Variants in ILRUN observed in about 807,000 individuals in gnomAD.
ILRUN encodes inflammation and lipid regulator with UBA-like and NBR1-like domains, also known as protein ILRUN.
In ILRUN, 3 loss-of-function variants were observed where a neutral mutation model predicts 33.8. That is an observed-to-expected ratio of 0.09 (90% confidence interval 0.04 to 0.23). The LOEUF (loss-of-function observed/expected upper bound fraction) is 0.23. Ranked by LOEUF, ILRUN falls within the 10% of genes least tolerant of loss-of-function variation. ILRUN has a pLI of 1.00. For missense variants in ILRUN, 210 were observed against 375.1 expected (o/e 0.56, Z 3.64); for synonymous variants, 124 against 138.9 (o/e 0.89, Z 0.75).
intron 3 of ILRUN, among the ~76,000 whole-genome samples, chr6:34,621,247 A>G (rs1454381300): frequency 1.3e-5 from 2 of 152,228 alleles, no homozygotes; most frequent in Non-Finnish European, 2.9e-5. Context: ...TAAGCATTTA[A>G]CCAGCCTTTT....
In ILRUN at chr6:34,634,451, G is replaced by A. The variant is rs531767318; in HGVS notation, c.511+12150C>T. Among the ~76,000 whole-genome samples the A allele has an allele frequency of 3.8e-3, 574 of 151,800 alleles. 1 individual carries two copies. Among genetic ancestry groups the A allele is most frequent in the African/African-American group, 0.012 (516 of 41,392 alleles). The stretch of plus-strand genomic sequence containing the variant: ...AAGAAACTAGAAAATAAATCAAGAA[G>A]GAATTAATAAAATTAAGAGCAGAAA... On this transcript the variant is annotated intron_variant, in intron 3 of 4. Transcript: ENST00000374023.
intron 1 of ILRUN, among the ~76,000 whole-genome samples, chr6:34,694,452 T>C (rs1763712545): frequency 6.6e-6 from 1 of 152,152 alleles, no homozygotes; most frequent in Admixed American, 6.6e-5. Context: ...GAGAACTCTC[T>C]TCAAGATATA....
intron 3 of ILRUN, among the ~76,000 whole-genome samples, chr6:34,640,997 T>G (rs1762463899): frequency 6.8e-6 from 1 of 146,770 alleles, no homozygotes; most frequent in South Asian, 2.1e-4. Flanking sequence ...GAGAATCGCT[T>G]GAACCTGGGA....
intron 1 of ILRUN, among the ~76,000 whole-genome samples, chr6:34,689,563 T>G (rs978278238): frequency 6.6e-6 from 1 of 151,974 alleles, no homozygotes; most frequent in African/African-American, 2.4e-5. Flanking sequence ...GAAACCAATA[T>G]TAATAGAAGT....
In ILRUN at chr6:34,675,288, T is replaced by A. The variant is rs556188117; in HGVS notation, c.159-20509A>T. 2.6e-5 allele frequency among the ~76,000 whole-genome samples: 4 copies of A among 151,220 alleles called. No individual in the cohort carries two copies. In the East Asian group the frequency reaches 7.7e-4, roughly 29 times the overall value. On this transcript the variant is annotated intron_variant, in intron 1 of 4. Transcript: ENST00000374023. ...AAAGCAAGACTCCATCTCAAAAAAA[T>A]AAAAAGCAAAAACAACAACAAAAAA...
At chr6:34,621,696 A>C (rs1390257251) in intron 3 of ILRUN, among the ~76,000 whole-genome samples, 1 of 152,000 alleles carries the variant, frequency 6.6e-6, no homozygotes, top group Non-Finnish European at 1.5e-5. Flanking sequence ...CCCCGTCTCT[A>C]CTAAAAATAC....
At position 34,588,049 on chromosome 6, in the gene ILRUN, T is replaced by C. The variant is rs955938457; in HGVS notation, c.*2516A>G. ...TAGGCAGGGGAGCAGAGAGGGGCCC[T>C]AGGCATTGCTCTGAACCCATACCAG... is the stretch of plus-strand genomic sequence containing the variant. On this transcript the variant is annotated 3_prime_UTR_variant, in exon 5 of 5. Coordinates refer to ENST00000374023, the MANE Select transcript of ILRUN (RefSeq NM_024294.4). The C allele has an allele frequency of 2.5e-5, 10 of 398,596 alleles. No individual in the cohort carries two copies. In the Admixed American group the frequency reaches 3.1e-4, roughly 12 times the overall value. The allele number at this position is 398,596 out of a possible 1,614,324, so 24.7% of individuals were successfully genotyped here.
intron 1 of ILRUN, among the ~76,000 whole-genome samples, chr6:34,658,026 C>T (rs1056870484): frequency 6.6e-6 from 1 of 152,094 alleles, no homozygotes; most frequent in Non-Finnish European, 1.5e-5. Context: ...ACAGAGGCAA[C>T]GTTAACAGTG....
intron 3 of ILRUN, chr6:34,617,175 G>GA (rs1270635205): frequency 8.1e-6 from 4 of 493,348 alleles, no homozygotes; most frequent in African/African-American, 5.9e-5. Context: ...GTGGAATGAA[G>GA]AAAAAACTAC....
At chr6:34,604,676 A>G (rs1317024881) in intron 4 of ILRUN, among the ~76,000 whole-genome samples, 2 of 152,226 alleles carry the variant, frequency 1.3e-5, no homozygotes, top group Non-Finnish European at 2.9e-5. Flanking sequence ...CTAGAGAAAT[A>G]GGAGCTTAGA....
At chr6:34,617,244 A>G (rs531233202) in intron 3 of ILRUN, 4 of 399,490 alleles carry the variant, frequency 1.0e-5, no homozygotes, top group Admixed American at 6.3e-5. Flanking sequence ...CACGCTTAAT[A>G]GAAGAATGAA....
chr6:34,618,386 C>G (rs1443775553), intron 3 of ILRUN, among the ~76,000 whole-genome samples: 3 of 152,182 alleles, frequency 2.0e-5, no homozygotes, highest in Non-Finnish European at 4.4e-5. Flanking sequence ...TGAGAATACC[C>G]AATTGCTAAA....
At chr6:34,631,505 T>C (rs1225113443) in intron 3 of ILRUN, among the ~76,000 whole-genome samples, 1 of 152,164 alleles carries the variant, frequency 6.6e-6, no homozygotes, top group Non-Finnish European at 1.5e-5. Context: ...TTTTTGTATT[T>C]TTTGATATAC....
intron 4 of ILRUN, chr6:34,595,742 A>T: frequency 1.0e-6 from 1 of 984,904 alleles, no homozygotes; most frequent in Non-Finnish European, 1.2e-6. Flanking sequence ...TTTATTTGTG[A>T]TTTGATTTAA....
At chr6:34,605,170 G>T (rs942711678) in intron 4 of ILRUN, among the ~76,000 whole-genome samples, 8 of 152,072 alleles carry the variant, frequency 5.3e-5, no homozygotes, top group African/African-American at 1.9e-4. Context: ...GCTGGGCGTG[G>T]TGGCACATGT....
In ILRUN at chr6:34,693,577, T is replaced by C. The variant is rs552155219; in HGVS notation, c.158+2869A>G. Among the ~76,000 whole-genome samples the C allele has an allele frequency of 5.3e-5, 8 of 152,278 alleles. No individual in the cohort carries two copies. The East Asian group carries it at 1.5e-3, about 29-fold the overall frequency. Reference sequence around the variant, plus strand: ...TGCTCATATATGTAACTTGTTTTTATACAGAAATAACATGTCATCAACATA... The same window carrying C: ...TGCTCATATATGTAACTTGTTTTTACACAGAAATAACATGTCATCAACATA... On this transcript the variant is annotated intron_variant, in intron 1 of 4. Transcript: ENST00000374023.
chr6:34,628,696 T>C (rs1762188741), intron 3 of ILRUN, among the ~76,000 whole-genome samples: 2 of 152,188 alleles, frequency 1.3e-5, no homozygotes, highest in Non-Finnish European at 2.9e-5. Flanking sequence ...TGCATCTAAG[T>C]TCATGAGAAA....
chr6:34,619,441 G>C (rs544542421), intron 3 of ILRUN, among the ~76,000 whole-genome samples: 2 of 152,012 alleles, frequency 1.3e-5, no homozygotes, highest in Non-Finnish European at 2.9e-5. Flanking sequence ...CTGCAGCCTT[G>C]ACCTCCTGGG....
intron 1 of ILRUN, among the ~76,000 whole-genome samples, chr6:34,680,277 T>C (rs755909522): frequency 3.3e-5 from 5 of 152,190 alleles, no homozygotes; most frequent in Non-Finnish European, 7.3e-5. Flanking sequence ...ATCTAGAATA[T>C]AGTAAATGCC....
Sources: allele counts gnomAD v4.1 joint callset (sites outside exome capture counted in the v4.1 genomes callset), GRCh38; gene constraint gnomAD v4.1.1; transcripts MANE v1.5; gene names NCBI Gene and HGNC (gene_info 2026-07-23, HGNC 2026-07-21).